Variants in HUNK observed in about 807,000 individuals in gnomAD.
HUNK encodes hormonally up-regulated Neu-associated kinase, also known as hormonally up-regulated neu tumor-associated kinase.
HUNK carries 21 observed loss-of-function variants against 61.0 expected under a neutral mutation model. The ratio of observed to expected loss-of-function variants is 0.34; its 90% confidence interval spans 0.24 to 0.50. The LOEUF is 0.50. Ranked by LOEUF, HUNK falls within the 20% of genes least tolerant of loss-of-function variation. The pLI, the probability that HUNK is intolerant of heterozygous loss-of-function variation, is 0.98. For missense variants in HUNK, 772 were observed against 945.7 expected, an observed-to-expected ratio of 0.82 and a Z score of 2.41; for synonymous variants, 371 against 386.1, an observed-to-expected ratio of 0.96 and a Z score of 0.46.
intron 1 of HUNK, among the ~76,000 whole-genome samples, chr21:31,908,570 CTT>C (rs2052523950): frequency 6.6e-6 from 1 of 152,110 alleles, no homozygotes; most frequent in African/African-American, 2.4e-5. Context: ...GAATGTGTGA[CTT>C]TTGAAAGGCA....
At chr21:31,995,648 A>G in intron 9 of HUNK, 120 bp from the exon 10 acceptor site, 1 of 806,242 alleles carries the variant, frequency 1.2e-6, no homozygotes, top group Non-Finnish European at 2.0e-6. Context: ...CACACAGTTG[A>G]GAGCATAGAG....
At chr21:31,928,499 A>G (rs2052676073) in intron 2 of HUNK, among the ~76,000 whole-genome samples, 1 of 152,196 alleles carries the variant, frequency 6.6e-6, no homozygotes, top group Non-Finnish European at 1.5e-5. Flanking sequence ...AGCTTTTTCT[A>G]CTTTTGCCTC....
At chr21:31,961,589 T>C (rs1251794372) in intron 5 of HUNK, among the ~76,000 whole-genome samples, 2 of 152,228 alleles carry the variant, frequency 1.3e-5, no homozygotes, top group Admixed American at 6.5e-5. Flanking sequence ...GTTGTTCTGA[T>C]AGGGGTCTAA....
chr21:31,933,969 C>CG (rs1450677191), intron 2 of HUNK, among the ~76,000 whole-genome samples: 1 of 151,682 alleles, frequency 6.6e-6, no homozygotes, highest in Admixed American at 6.6e-5. Flanking sequence ...CGTCATGTGC[C>CG]GACCAGCCTG....
intron 6 of HUNK, among the ~76,000 whole-genome samples, chr21:31,973,757 T>C (rs1377617400): frequency 6.6e-6 from 1 of 152,160 alleles, no homozygotes. Context: ...ATCTGTAAAG[T>C]TGGGGTCATG....
At chr21:31,977,168 C>T (rs906307451) in intron 7 of HUNK, among the ~76,000 whole-genome samples, 2 of 152,122 alleles carry the variant, frequency 1.3e-5, no homozygotes, top group African/African-American at 2.4e-5. Flanking sequence ...ATGATATATT[C>T]GTACAATGTT....
chr21:31,968,192 C>A, intron 5 of HUNK, 58 bp from the exon 6 acceptor site: 1 of 1,606,846 alleles, frequency 6.2e-7, no homozygotes, highest in Non-Finnish European at 8.5e-7. Context: ...TGGTGGCTTT[C>A]ACTGGTGTCT....
intron 3 of HUNK, among the ~76,000 whole-genome samples, chr21:31,945,329 C>A (rs1170073396): frequency 6.6e-6 from 1 of 152,084 alleles, no homozygotes; most frequent in East Asian, 1.9e-4. Context: ...TGGGCTTTCT[C>A]CCCCCTCTTC....
At chr21:31,988,584 C>T (rs2053149283) in intron 8 of HUNK, among the ~76,000 whole-genome samples, 1 of 152,074 alleles carries the variant, frequency 6.6e-6, no homozygotes, top group African/African-American at 2.4e-5. Flanking sequence ...ACACAGTGTT[C>T]TCCTGTGTGT....
chr21:31,984,535 T>G (rs2053120064), intron 8 of HUNK, among the ~76,000 whole-genome samples: 1 of 152,198 alleles, frequency 6.6e-6, no homozygotes, highest in East Asian at 1.9e-4. Context: ...GGTGACCTGA[T>G]GTAACCTGGG....
chr21:31,989,004 G>A (rs1461819152), intron 8 of HUNK, among the ~76,000 whole-genome samples: 1 of 151,926 alleles, frequency 6.6e-6, no homozygotes, highest in East Asian at 1.9e-4. Flanking sequence ...CTAATTTTTT[G>A]TAGAGAGGGG....
intron 1 of HUNK, among the ~76,000 whole-genome samples, chr21:31,914,123 C>T (rs1276225739): frequency 6.6e-6 from 1 of 152,038 alleles, no homozygotes; most frequent in Non-Finnish European, 1.5e-5. Context: ...AGACCTGGCC[C>T]TAGGCCGGGC....
At position 31,940,113 on chromosome 21, in the gene HUNK, T is replaced by A; in HGVS notation, c.555-52T>A. ...TTTCCCTTCAGAAGCAAAATGTAAT[T>A]CCATTATTTCGAATGCTTATCTGAA... On this transcript the variant is annotated intron_variant, in intron 2 of 10. Coordinates refer to ENST00000270112, the MANE Select transcript of HUNK (RefSeq NM_014586.2). The A allele has an allele frequency of 2.1e-6, 3 of 1,427,548 alleles. No homozygotes were observed. The East Asian group carries it at 6.9e-5, about 33-fold the overall frequency. 88.4% of individuals were successfully genotyped at this position (1,427,548 alleles called of 1,614,324 possible). A position where few individuals can be genotyped will look rare whatever the true frequency, so the allele number is the denominator to read the frequency against.
chr21:31,924,787 G>A lies in HUNK; in HGVS notation c.554+27G>A, dbSNP rs758369859. 6.4e-6 allele frequency: 10 copies of A among 1,561,222 alleles called. No individual in the cohort carries two copies. The South Asian group carries it at 7.4e-5, about 11-fold the overall frequency. Reference sequence around the variant, plus strand: ...TAAGGGCCAGGCCACGCTGGTGATCGCTGACTGTGTGCTCCGTGGGTGGCA... The same window carrying A: ...TAAGGGCCAGGCCACGCTGGTGATCACTGACTGTGTGCTCCGTGGGTGGCA... On this transcript the variant is annotated intron_variant, in intron 2 of 10. Transcript: ENST00000270112. The surrounding 1 kb of genome is among the most constrained non-coding windows in gnomAD (Gnocchi z 5.1).
At chr21:31,965,599 T>TTC (rs1212014841) in intron 5 of HUNK, among the ~76,000 whole-genome samples, 1 of 148,902 alleles carries the variant, frequency 6.7e-6, no homozygotes, top group Non-Finnish European at 1.5e-5. Flanking sequence ...TTTTTCTTTT[T>TTC]TTTTTTTTTT....
chr21:31,942,407 ATGCACAGACCTTTTTAT>A (rs1162879992), intron 3 of HUNK, among the ~76,000 whole-genome samples: 24 of 152,324 alleles, frequency 1.6e-4, no homozygotes, highest in Admixed American at 7.8e-4. Flanking sequence ...CAATGGTGAA[ATGCACAGACCTTTTTAT>A]TGGTTGGACG....
chr21:31,931,068 CAAAAAAAA>C (rs10673838), intron 2 of HUNK, among the ~76,000 whole-genome samples: 3 of 75,162 alleles, frequency 4.0e-5, no homozygotes, highest in African/African-American at 5.3e-5. Flanking sequence ...AAGACCTAAC[CAAAAAAAA>C]AAAAAAAAAA....
chr21:31,999,185 C>A lies in HUNK; in HGVS notation c.*1C>A, dbSNP rs116211668. ...CGATGGGGTCAAGACCCAGTGCTAACTTGGGCCAGCGGGGTTTGGGGTATC... is the reference window on the plus strand; with the variant it reads ...CGATGGGGTCAAGACCCAGTGCTAAATTGGGCCAGCGGGGTTTGGGGTATC... On this transcript the variant is annotated 3_prime_UTR_variant, in exon 11 of 11. Transcript: ENST00000270112. 2.4e-4 allele frequency: 375 copies of A among 1,592,724 alleles called. No individual in the cohort carries two copies. The African/African-American group carries it at 4.7e-3, about 20-fold the overall frequency.
chr21:31,949,549 G>T (rs2123834254), intron 4 of HUNK, among the ~76,000 whole-genome samples: 1 of 151,996 alleles, frequency 6.6e-6, no homozygotes, highest in African/African-American at 2.4e-5. Flanking sequence ...TATGCTAAAT[G>T]GGAAGCTATG....
Sources: gnomAD v4.1 joint callset for allele counts (sites outside exome capture counted in the v4.1 genomes callset) on GRCh38, gnomAD v4.1.1 for gene constraint, Gnocchi (gnomAD v3.1) non-coding constraint, MANE v1.5 for transcripts, NCBI Gene and HGNC (gene_info 2026-07-23, HGNC 2026-07-21) for gene names.